The following DYNC1H1 variants were observed in gnomAD, a reference collection of about 807,000 sequenced individuals.
The protein encoded by DYNC1H1 is cytoplasmic dynein 1 heavy chain 1.
Under a neutral mutation model 527.1 loss-of-function variants are expected in DYNC1H1, and 51 were observed. That is an observed-to-expected ratio of 0.10 (90% confidence interval 0.08 to 0.12). The LOEUF is 0.12. Ranked by LOEUF, DYNC1H1 falls within the 10% of genes least tolerant of loss-of-function variation. DYNC1H1 has a pLI of 1.00. For synonymous variants in DYNC1H1, 2,189 were observed against 2,278.8 expected, an observed-to-expected ratio of 0.96 and a Z score of 1.12; for missense variants, 2,771 against 5,971.8, an observed-to-expected ratio of 0.46 and a Z score of 17.66.
At chr14:102,026,157 G>A (rs879527390) in intron 43 of DYNC1H1, among the ~76,000 whole-genome samples, 4 of 151,300 alleles carry the variant, frequency 2.6e-5, no homozygotes, top group Non-Finnish European at 5.9e-5. Context: ...GTTCTTTTCT[G>A]GAGGGATCTT....
Position 102,012,846 on chromosome 14 carries a change from A to C in DYNC1H1, c.7014+376A>C, listed in dbSNP as rs1237430266. 8.5e-6 allele frequency: 3 copies of C among 351,764 alleles called. No individual in the cohort carries two copies. Among genetic ancestry groups the C allele is most frequent in the Non-Finnish European group, 1.6e-5 (3 of 183,058 alleles). The allele number at this position is 351,764 out of a possible 1,614,324, so 21.8% of individuals were successfully genotyped here. ...AGGCTGTCCCTTGGAAAATGAGTGC[A>C]TGATGCAGGTGCCTGACAACACCTA... On this transcript the variant is annotated intron_variant, in intron 34 of 77. Coordinates refer to ENST00000360184, the MANE Select transcript of DYNC1H1 (RefSeq NM_001376.5). This position sits in a 1 kb window ranked among gnomAD's most constrained non-coding sequence, Gnocchi z 4.9.
chr14:102,021,954 A>G (rs2048389337), intron 42 of DYNC1H1, among the ~76,000 whole-genome samples: 1 of 151,992 alleles, frequency 6.6e-6, no homozygotes, highest in Admixed American at 6.6e-5. Context: ...AGACCAGCAT[A>G]GCGAAACCCC....
chr14:102,043,043 A>G (rs2048671317), intron 69 of DYNC1H1: 6 of 412,276 alleles, frequency 1.5e-5, no homozygotes, highest in South Asian at 6.2e-5. Flanking sequence ...GCACTTTGGG[A>G]GGCTGAGGTG....
intron 1 of DYNC1H1, among the ~76,000 whole-genome samples, chr14:101,968,015 C>T (rs2047686780): frequency 6.6e-6 from 1 of 152,232 alleles, no homozygotes; most frequent in South Asian, 2.1e-4. Flanking sequence ...AGTATGCTTA[C>T]AGCATGGTGA....
At position 101,988,571 on chromosome 14, in the gene DYNC1H1, A is replaced by G; in HGVS notation, c.2719-132A>G. Reference sequence around the variant, plus strand: ...GAAAGTGAGAAAGTGAGATTCTGAGAAGAGAGATATGAAGGCTTCTAGTCC... The same window carrying G: ...GAAAGTGAGAAAGTGAGATTCTGAGGAGAGAGATATGAAGGCTTCTAGTCC... On this transcript the variant is annotated intron_variant, in intron 9 of 77. Coordinates refer to ENST00000360184, the MANE Select transcript of DYNC1H1 (RefSeq NM_001376.5). The G allele has an allele frequency of 8.6e-6, 10 of 1,159,512 alleles. No homozygotes were observed. The South Asian group carries it at 1.2e-4, about 14-fold the overall frequency. 71.8% of individuals were successfully genotyped at this position (1,159,512 alleles called of 1,614,324 possible). A position where few individuals can be genotyped will look rare whatever the true frequency, so the allele number is the denominator to read the frequency against.
chr14:102,017,077 T>A lies in DYNC1H1; in HGVS notation c.7849-11T>A. 6.2e-7 allele frequency: 1 copy of A among 1,614,244 alleles called. No homozygotes were observed. The highest frequency in any genetic ancestry group is 1.1e-5 in the South Asian group (1 of 91,084). On this transcript the variant is annotated splice_polypyrimidine_tract_variant and intron_variant, in intron 38 of 77. Coordinates refer to ENST00000360184, the MANE Select transcript of DYNC1H1 (RefSeq NM_001376.5). This position sits in a 1 kb window ranked among gnomAD's most constrained non-coding sequence, Gnocchi z 4.6. ...GGTCTTACAGTGTGGTTTTGTGTCT[T>A]CCCTCCAAAGGTGGTGGGTCTCAAC...
intron 1 of DYNC1H1, among the ~76,000 whole-genome samples, chr14:101,974,475 G>T (rs1339071856): frequency 1.3e-5 from 2 of 152,144 alleles, no homozygotes; most frequent in African/African-American, 4.8e-5. Context: ...TCCATAGATT[G>T]TAATTTTTGC....
chr14:102,038,920 G>A lies in DYNC1H1; in HGVS notation c.11206+72G>A. 1 of 1,612,968 alleles carries A rather than the reference G, an allele frequency of 6.2e-7. No individual in the cohort carries two copies. The highest frequency in any genetic ancestry group is 1.3e-5 in the African/African-American group (1 of 74,838). ...GGCTGAACTTTTAAGTGACTAGGAT[G>A]TTCCACGTTTGTGGCAAACACTTCT... On this transcript the variant is annotated intron_variant, in intron 59 of 77. Transcript: ENST00000360184. This position sits in a 1 kb window ranked among gnomAD's most constrained non-coding sequence, Gnocchi z 7.2.
At position 102,032,297 on chromosome 14, in the gene DYNC1H1, C is replaced by T; in HGVS notation, c.9909C>T (p.His3303=). Residue 3303 remains histidine, a synonymous_variant, in exon 52 of 78, where the codon CAC becomes CAT. Coordinates refer to ENST00000360184, the MANE Select transcript of DYNC1H1 (RefSeq NM_001376.5). ...CTGTGAAGTCGATCAAGAAGCAGCA[C>T]CTGGTGGAGGTGAGGTCCATGGCCA... ...QNAVKSIKKQ[H]LVEVRSMANP... The T allele has an allele frequency of 1.2e-6, 2 of 1,614,080 alleles. No homozygotes were observed. The highest frequency in any genetic ancestry group is 2.2e-5 in the East Asian group (1 of 44,888).
chr14:102,039,481 C>T lies in DYNC1H1; in HGVS notation c.11530C>T (p.Pro3844Ser), dbSNP rs1218485865. 1.2e-6 allele frequency: 2 copies of T among 1,614,132 alleles called. No homozygotes were observed. The highest frequency in any genetic ancestry group is 4.5e-5 in the East Asian group (2 of 44,906). The change falls in exon 61 of 78, where the codon CCG becomes TCG. Residue 3844 changes from proline to serine, a missense_variant. Physicochemically the swap from Pro to Ser is moderately conservative, Grantham distance 74. Transcript: ENST00000360184. This position sits in a 1 kb window ranked among gnomAD's most constrained non-coding sequence, Gnocchi z 7.0. ...TTATCACAACGTCCTATACGAGAAC[C>T]CGAACCTGAAGGGTGTCACCGACCA... is the stretch of plus-strand genomic sequence containing the variant. ...DIYHNVLYEN[P>S]NLKGVTDHTQ...
chr14:102,032,621 G>T, intron 52 of DYNC1H1, 154 bp downstream of exon 52: 2 of 996,186 alleles, frequency 2.0e-6, no homozygotes, highest in Non-Finnish European at 3.0e-6. Context: ...GGAGGCTGAG[G>T]CAGGTGAAGT....
In DYNC1H1 at chr14:102,036,399, C is replaced by T; in HGVS notation, c.10755-90C>T. ...CGGGTGGTGGTAACAGCCTATCAAT[C>T]AGGGTCTCTCATCAGGGACTCGGCT... On this transcript the variant is annotated intron_variant, in intron 56 of 77. Coordinates refer to ENST00000360184, the MANE Select transcript of DYNC1H1 (RefSeq NM_001376.5). The surrounding 1 kb of genome is among the most constrained non-coding windows in gnomAD (Gnocchi z 5.6). 1 of 1,563,536 alleles carries T rather than the reference C, an allele frequency of 6.4e-7. No individual in the cohort carries two copies. The highest frequency in any genetic ancestry group is 8.8e-7 in the Non-Finnish European group (1 of 1,138,824).
chr14:101,991,002 C>T (rs1465152902), intron 10 of DYNC1H1, among the ~76,000 whole-genome samples: 12 of 143,968 alleles, frequency 8.3e-5, no homozygotes, highest in African/African-American at 1.3e-4. Flanking sequence ...AGTGAGACTC[C>T]GTCTCAAAAA....
intron 56 of DYNC1H1, chr14:102,035,712 G>T (rs1595627531): frequency 6.6e-6 from 1 of 152,312 alleles, no homozygotes; most frequent in Non-Finnish European, 1.5e-5. Flanking sequence ...GACAGTAGAG[G>T]CCTCCCACGA....
chr14:101,982,895 T>C, intron 5 of DYNC1H1, 124 bp from the exon 6 acceptor site: 1 of 1,183,008 alleles, frequency 8.5e-7, no homozygotes, highest in Admixed American at 2.0e-5. Context: ...TTTTCAAATA[T>C]GAATAGTTTT....
In DYNC1H1 at chr14:102,047,564, C is replaced by CAT. The variant is rs1243897806; in HGVS notation, c.13007-243_13007-242dup. The CAT allele has an allele frequency of 2.5e-4, 68 of 271,194 alleles. 1 individual carries two copies. Among genetic ancestry groups the CAT allele is most frequent in the Middle Eastern group, 1.3e-3 (1 of 746 alleles). The allele number at this position is 271,194 out of a possible 1,614,324, so 16.8% of individuals were successfully genotyped here. A position where few individuals can be genotyped will look rare whatever the true frequency, so the allele number is the denominator to read the frequency against. ...AAATATATATATACACACACACACA[C>CAT]ATATATATATACATACACATACGTA... is the stretch of plus-strand genomic sequence containing the variant. On this transcript the variant is annotated intron_variant, in intron 72 of 77. Coordinates refer to ENST00000360184, the MANE Select transcript of DYNC1H1 (RefSeq NM_001376.5).
At chr14:102,040,538 G>A (rs2048636087) in intron 63 of DYNC1H1, 60 bp from the exon 64 acceptor site, 43 of 1,612,124 alleles carry the variant, frequency 2.7e-5, no homozygotes, top group Non-Finnish European at 3.5e-5. Flanking sequence ...TCGCTCAGTC[G>A]TGGGTTCTGC....
chr14:102,007,623 G>T (rs917057060), intron 28 of DYNC1H1, among the ~76,000 whole-genome samples: 4 of 152,268 alleles, frequency 2.6e-5, no homozygotes, highest in Admixed American at 2.6e-4. Context: ...GTGGGAGTAG[G>T]TAGTAGTATT....
At position 102,033,195 on chromosome 14, in the gene DYNC1H1, G is replaced by A; in HGVS notation, c.10197+13G>A. 1 of 1,614,192 alleles carries A rather than the reference G, an allele frequency of 6.2e-7. No individual in the cohort carries two copies. Reference sequence around the variant, plus strand: ...GGCAATTGCACAGGTGATTAACACAGCCAGGAGCTCCCGTGTGAAAGGTGA... The same window carrying A: ...GGCAATTGCACAGGTGATTAACACAACCAGGAGCTCCCGTGTGAAAGGTGA... On this transcript the variant is annotated intron_variant, in intron 53 of 77. Coordinates refer to ENST00000360184, the MANE Select transcript of DYNC1H1 (RefSeq NM_001376.5). This position sits in a 1 kb window ranked among gnomAD's most constrained non-coding sequence, Gnocchi z 5.6.
Sources: allele counts gnomAD v4.1 joint callset (sites outside exome capture counted in the v4.1 genomes callset), GRCh38; gene constraint gnomAD v4.1.1; non-coding constraint Gnocchi (gnomAD v3.1); transcripts MANE v1.5; gene names NCBI Gene and HGNC (gene_info 2026-07-23, HGNC 2026-07-21).